TDRD3: variants seen among roughly 807,000 people sequenced by gnomAD.
TDRD3 encodes tudor domain-containing protein 3.
In TDRD3, 45 loss-of-function variants were observed where a neutral mutation model predicts 86.7. The ratio of observed to expected loss-of-function variants is 0.52; its 90% CI spans 0.41 to 0.67. TDRD3 has a LOEUF of 0.67. Among genes scored for constraint, TDRD3 ranks in the 30% least tolerant of loss-of-function variants. The pLI, the probability that TDRD3 is intolerant of heterozygous loss-of-function variation, is 0.00. For synonymous variants in TDRD3, 298 were observed against 301.7 expected (o/e 0.99, Z 0.13); for missense variants, 814 against 889.0 (o/e 0.92, Z 1.07).
intron 1 of TDRD3, among the ~76,000 whole-genome samples, chr13:60,411,698 A>T (rs560605101): frequency 2.6e-5 from 4 of 152,054 alleles, no homozygotes; most frequent in Admixed American, 2.6e-4. Context: ...TATTGCTTTG[A>T]TGTCCCCTCA....
intron 1 of TDRD3, among the ~76,000 whole-genome samples, chr13:60,429,648 A>C (rs1954904027): frequency 6.6e-6 from 1 of 152,304 alleles, no homozygotes; most frequent in East Asian, 1.9e-4. Context: ...AAAATAAATA[A>C]TAAAGGTATT....
intron 1 of TDRD3, among the ~76,000 whole-genome samples, chr13:60,421,781 T>C (rs549830191): frequency 6.6e-6 from 1 of 152,234 alleles, no homozygotes; most frequent in Admixed American, 6.5e-5. Context: ...TTGTCCCACT[T>C]GTGGGGCTTT....
At chr13:60,399,417 A>G (rs1566163087) in intron 1 of TDRD3, among the ~76,000 whole-genome samples, 2 of 152,246 alleles carry the variant, frequency 1.3e-5, no homozygotes, top group East Asian at 3.8e-4. Flanking sequence ...GGCTAAAAAC[A>G]CTATCTTTCT....
chr13:60,567,010 G>A (rs1253561195), intron 12 of TDRD3, among the ~76,000 whole-genome samples: 4 of 152,070 alleles, frequency 2.6e-5, no homozygotes, highest in Non-Finnish European at 5.9e-5. Flanking sequence ...TAGATGTAAG[G>A]TTCTTAACAG....
At chr13:60,572,059 T>C (rs1409127628) in intron 13 of TDRD3, among the ~76,000 whole-genome samples, 3 of 152,092 alleles carry the variant, frequency 2.0e-5, no homozygotes, top group East Asian at 3.9e-4. Flanking sequence ...CAACCAAAAC[T>C]TTGTGCGTTT....
intron 12 of TDRD3, among the ~76,000 whole-genome samples, chr13:60,542,104 A>C (rs1957831860): frequency 6.6e-6 from 1 of 151,898 alleles, no homozygotes; most frequent in Non-Finnish European, 1.5e-5. Context: ...AGGTGATCTT[A>C]TTTTTCCCTT....
At chr13:60,410,041 A>G (rs1293909792) in intron 1 of TDRD3, among the ~76,000 whole-genome samples, 4 of 152,060 alleles carry the variant, frequency 2.6e-5, no homozygotes, top group African/African-American at 7.2e-5. Flanking sequence ...GTCTCACAAG[A>G]TCTGATGGGT....
At chr13:60,540,913 T>C (rs1264205523) in intron 12 of TDRD3, among the ~76,000 whole-genome samples, 2 of 152,160 alleles carry the variant, frequency 1.3e-5, no homozygotes, top group Non-Finnish European at 2.9e-5. Context: ...TGACACGATA[T>C]TACCTAACAC....
intron 10 of TDRD3, among the ~76,000 whole-genome samples, chr13:60,517,806 A>G (rs1334946663): frequency 1.3e-5 from 2 of 152,244 alleles, no homozygotes; most frequent in Admixed American, 6.5e-5. Flanking sequence ...AGAGCCACTT[A>G]GTATCTAGTC....
intron 12 of TDRD3, among the ~76,000 whole-genome samples, chr13:60,552,066 C>T (rs896485766): frequency 2.6e-5 from 4 of 152,210 alleles, no homozygotes; most frequent in Admixed American, 2.0e-4. Context: ...ATCCTTTTCA[C>T]ATTTCAAAAC....
Position 60,452,269 on chromosome 13 carries a change from TTTG to T in TDRD3, c.192+7524_192+7526del, listed in dbSNP as rs1330125658. Among the ~76,000 whole-genome samples, 3 of 152,282 alleles carry T rather than the reference TTTG, an allele frequency of 2.0e-5. No homozygotes were observed. In the East Asian group the frequency reaches 5.8e-4, roughly 29 times the overall value. On this transcript the variant is annotated intron_variant, in intron 3 of 13. Coordinates refer to ENST00000377881, the MANE Select transcript of TDRD3 (RefSeq NM_001146070.2). ...AGCTTTATTCCTGGACCTATCTATT[TTTG>T]TTATTGTAAATGGTGTTTAAAAATT...
chr13:60,529,506 C>T (rs1334385677), intron 11 of TDRD3, among the ~76,000 whole-genome samples: 1 of 152,060 alleles, frequency 6.6e-6, no homozygotes, highest in Non-Finnish European at 1.5e-5. Context: ...CTTTATTTTA[C>T]TTATCATCAA....
At chr13:60,483,746 G>A in intron 5 of TDRD3, 29 bp from the exon 6 acceptor site, 1 of 1,588,196 alleles carries the variant, frequency 6.3e-7, no homozygotes, top group South Asian at 1.1e-5. Context: ...ATGTATAACT[G>A]CTCTTTTGTG....
intron 8 of TDRD3, among the ~76,000 whole-genome samples, chr13:60,502,007 C>T (rs1192805253): frequency 6.6e-6 from 1 of 152,306 alleles, no homozygotes; most frequent in Non-Finnish European, 1.5e-5. Context: ...ACGTGTATAA[C>T]CCTACTGCAA....
chr13:60,473,752 C>G (rs1956122242), intron 5 of TDRD3, among the ~76,000 whole-genome samples: 1 of 152,202 alleles, frequency 6.6e-6, no homozygotes, highest in South Asian at 2.1e-4. Flanking sequence ...TATGCCCGGA[C>G]AGGGCCACTA....
At chr13:60,400,381 C>CTTTG (rs1490040037) in intron 1 of TDRD3, among the ~76,000 whole-genome samples, 1 of 152,136 alleles carries the variant, frequency 6.6e-6, no homozygotes. Context: ...CCATCTCCTC[C>CTTTG]TTTGTTTGTT....
intron 1 of TDRD3, among the ~76,000 whole-genome samples, chr13:60,408,914 A>G (rs74752910): frequency 6.6e-6 from 1 of 152,306 alleles, no homozygotes; most frequent in South Asian, 2.1e-4. Context: ...CATGTCAGAG[A>G]TCTTCACAGT....
chr13:60,506,453 A>T (rs1015708273), intron 8 of TDRD3, among the ~76,000 whole-genome samples: 40 of 152,310 alleles, frequency 2.6e-4, no homozygotes, highest in African/African-American at 9.1e-4. Flanking sequence ...ATTGTAAAGA[A>T]CATTGACACT....
intron 5 of TDRD3, among the ~76,000 whole-genome samples, chr13:60,482,765 A>G (rs117639634): frequency 1.6e-4 from 25 of 151,846 alleles, no homozygotes; most frequent in Non-Finnish European, 1.3e-4. Context: ...ACTCTTAATT[A>G]TCTTTATAAA....
Sources: allele counts gnomAD v4.1 joint callset (sites outside exome capture counted in the v4.1 genomes callset), GRCh38; gene constraint gnomAD v4.1.1; transcripts MANE v1.5; gene names NCBI Gene and HGNC (gene_info 2026-07-23, HGNC 2026-07-21).